Variants in SIPA1L2 observed in about 807,000 individuals in gnomAD.
The protein encoded by SIPA1L2 is signal-induced proliferation-associated 1-like protein 2.
SIPA1L2 carries 56 observed loss-of-function variants against 163.9 expected under a neutral mutation model. The observed-to-expected ratio is 0.34, with a 90% CI of 0.28 to 0.43. The LOEUF (loss-of-function observed/expected upper bound fraction) is 0.43, where lower values mean the gene tolerates loss of function less well. Among genes scored for constraint, SIPA1L2 ranks in the 20% least tolerant of loss-of-function variants. SIPA1L2 has a pLI of 1.00. For synonymous variants in SIPA1L2, 877 were observed against 865.7 expected (o/e 1.01, Z -0.23); for missense variants, 1,974 against 2,193.5 (o/e 0.90, Z 2.00).
intron 1 of SIPA1L2, among the ~76,000 whole-genome samples, chr1:232,580,595 G>A (rs1427953610): frequency 1.3e-5 from 2 of 152,162 alleles, no homozygotes; most frequent in Non-Finnish European, 2.9e-5. Context: ...GAGGAGTCCT[G>A]GCTAGCAAAG....
intron 2 of SIPA1L2, among the ~76,000 whole-genome samples, chr1:232,541,247 T>TTAACATAACATAACATAACATAACA (rs200351522): frequency 5.0e-4 from 73 of 144,672 alleles, no homozygotes; most frequent in East Asian, 1.4e-3. Flanking sequence ...TAACATAACA[T>TTAACATAACATAACATAACATAACA]TAACATAACA....
In SIPA1L2 at chr1:232,525,800, A is replaced by G. The variant is rs571013678; in HGVS notation, c.-269-10192T>C. On this transcript the variant is annotated intron_variant, in intron 2 of 22. Transcript: ENST00000674635. ...TTGTGGGACCAGTGAGGAAGCACAC[A>G]TAAGTACTCCAGAAGATTTAACACC... is the stretch of plus-strand genomic sequence containing the variant. Among the ~76,000 whole-genome samples the G allele has an allele frequency of 6.6e-5, 10 of 152,278 alleles. No homozygotes were observed. The South Asian group carries it at 1.5e-3, about 22-fold the overall frequency.
chr1:232,546,706 G>T (rs1479171052), intron 2 of SIPA1L2, among the ~76,000 whole-genome samples: 1 of 152,168 alleles, frequency 6.6e-6, no homozygotes, highest in African/African-American at 2.4e-5. Flanking sequence ...CGGCATTCTG[G>T]AATACAACAG....
intron 5 of SIPA1L2, among the ~76,000 whole-genome samples, chr1:232,486,628 G>A (rs1665661033): frequency 6.6e-6 from 1 of 152,194 alleles, no homozygotes; most frequent in African/African-American, 2.4e-5. Context: ...TTTGCCAGGT[G>A]AAACTTAGGA....
At chr1:232,411,371 C>T (rs745603044) in intron 19 of SIPA1L2, among the ~76,000 whole-genome samples, 7 of 152,140 alleles carry the variant, frequency 4.6e-5, no homozygotes, top group Non-Finnish European at 1.0e-4. Context: ...AGGGGTAAGG[C>T]AGAACCCACT....
intron 2 of SIPA1L2, among the ~76,000 whole-genome samples, chr1:232,541,139 C>T (rs1400887411): frequency 6.6e-6 from 1 of 152,130 alleles, no homozygotes; most frequent in Admixed American, 6.5e-5. Flanking sequence ...GGCTAATGCA[C>T]ACCGGGCTTA....
intron 2 of SIPA1L2, among the ~76,000 whole-genome samples, chr1:232,572,738 C>T (rs1030783988): frequency 0.013 from 510 of 39,504 alleles, 15 homozygotes; most frequent in African/African-American, 0.032. Context: ...TACATACATA[C>T]ATATATATAT....
intron 15 of SIPA1L2, among the ~76,000 whole-genome samples, chr1:232,434,948 T>G (rs147230806): frequency 1.3e-5 from 2 of 152,302 alleles, no homozygotes; most frequent in East Asian, 3.9e-4. Context: ...CAGGCATTAA[T>G]GCAATACTGT....
chr1:232,441,768 C>CCGGGTGCCTGCTTGCTTCCATGGT lies in SIPA1L2; in HGVS notation c.3514_3537dup (p.Thr1172_Pro1179dup). On this transcript the variant is annotated inframe_insertion and splice_region_variant, in exon 13 of 23. Coordinates refer to ENST00000674635, the MANE Select transcript of SIPA1L2 (RefSeq NM_020808.5). ...TCAATTTCCAGGAGTTCCTTATTAC[C>CCGGGTGCCTGCTTGCTTCCATGGT]CGGGTGCCTGCTTGCTTCCATGGTG... 1 of 1,613,462 alleles carries CCGGGTGCCTGCTTGCTTCCATGGT rather than the reference C, an allele frequency of 6.2e-7. No individual in the cohort carries two copies. Among genetic ancestry groups the CCGGGTGCCTGCTTGCTTCCATGGT allele is most frequent in the Non-Finnish European group, 8.5e-7 (1 of 1,179,686 alleles).
intron 1 of SIPA1L2, among the ~76,000 whole-genome samples, chr1:232,617,813 T>C (rs1026835310): frequency 6.6e-6 from 1 of 152,176 alleles, no homozygotes; most frequent in Non-Finnish European, 1.5e-5. Flanking sequence ...ATGATACACT[T>C]AAGATTTGTG....
intron 2 of SIPA1L2, among the ~76,000 whole-genome samples, chr1:232,525,712 C>T (rs1183834776): frequency 1.3e-5 from 2 of 152,128 alleles, no homozygotes; most frequent in Non-Finnish European, 2.9e-5. Flanking sequence ...CCTCAGCAGG[C>T]CACTTACTTC....
At chr1:232,603,357 C>T (rs951705007) in intron 1 of SIPA1L2, among the ~76,000 whole-genome samples, 6 of 151,828 alleles carry the variant, frequency 4.0e-5, no homozygotes, top group African/African-American at 1.5e-4. Context: ...GAGGTGTGAT[C>T]GATCATGCAA....
At chr1:232,470,589 G>T (rs1664751330) in intron 8 of SIPA1L2, among the ~76,000 whole-genome samples, 1 of 152,170 alleles carries the variant, frequency 6.6e-6, no homozygotes, top group South Asian at 2.1e-4. Context: ...ACTGCTTTAA[G>T]ATGATAAATG....
intron 2 of SIPA1L2, among the ~76,000 whole-genome samples, chr1:232,529,486 C>T (rs948822306): frequency 1.3e-5 from 2 of 152,218 alleles, no homozygotes; most frequent in African/African-American, 2.4e-5. Context: ...CCTGGCTTGG[C>T]GGAGGCCAGT....
Position 232,491,599 on chromosome 1 carries a change from A to G in SIPA1L2, c.1618-537T>C, listed in dbSNP as rs535280891. On this transcript the variant is annotated intron_variant, in intron 4 of 22. Transcript: ENST00000674635. ...ATTCAGGGCTGAGAAAATTGCCACTAAATTTTGTCTCATGACTTTTTAGAT... is the reference window on the plus strand; with the variant it reads ...ATTCAGGGCTGAGAAAATTGCCACTGAATTTTGTCTCATGACTTTTTAGAT... Among the ~76,000 whole-genome samples, 24 of 152,284 alleles carry G rather than the reference A, an allele frequency of 1.6e-4. No individual in the cohort carries two copies. In the East Asian group the frequency reaches 3.9e-3, roughly 24 times the overall value.
chr1:232,593,732 C>CAA (rs1252794412), intron 1 of SIPA1L2, among the ~76,000 whole-genome samples: 7 of 151,976 alleles, frequency 4.6e-5, no homozygotes, highest in Non-Finnish European at 2.9e-5. Context: ...CACGCACACA[C>CAA]AAAAATAAAT....
chr1:232,440,443 C>T (rs1346141925), intron 14 of SIPA1L2, among the ~76,000 whole-genome samples: 2 of 152,196 alleles, frequency 1.3e-5, no homozygotes, highest in African/African-American at 4.8e-5. Context: ...AAACTACGCC[C>T]ACACCATGTA....
chr1:232,488,096 G>A (rs2102988530), intron 5 of SIPA1L2, among the ~76,000 whole-genome samples: 1 of 152,094 alleles, frequency 6.6e-6, no homozygotes, highest in South Asian at 2.1e-4. Flanking sequence ...GAGATTACAG[G>A]TGCCCACCAT....
At chr1:232,562,006 G>A (rs975356119) in intron 2 of SIPA1L2, among the ~76,000 whole-genome samples, 4 of 152,348 alleles carry the variant, frequency 2.6e-5, no homozygotes, top group South Asian at 2.1e-4. Context: ...TGCTCTGAGA[G>A]GCCCTGAGCG....
Sources: allele counts gnomAD v4.1 joint callset (sites outside exome capture counted in the v4.1 genomes callset), GRCh38; gene constraint gnomAD v4.1.1; transcripts MANE v1.5; gene names NCBI Gene and HGNC (gene_info 2026-07-23, HGNC 2026-07-21).